Variants in VMA21 observed in about 807,000 individuals in gnomAD.
The protein encoded by VMA21 is vacuolar ATPase assembly factor VMA21, also known as vacuolar ATPase assembly integral membrane protein VMA21.
For synonymous variants in VMA21, 47 were observed against 34.1 expected (o/e 1.38, Z -1.32); for missense variants, 61 against 80.6 (o/e 0.76, Z 0.93).
intron 1 of VMA21, among the ~76,000 whole-genome samples, chrX:151,402,727 T>A (rs1353755693): frequency 8.8e-6 from 1 of 113,012 alleles, no homozygotes; most frequent in African/African-American, 3.2e-5. Flanking sequence ...TTCAGTGGTC[T>A]GGTGTCTGGT....
chrX:151,401,620 G>T (rs898739126), intron 1 of VMA21, among the ~76,000 whole-genome samples: 1 of 112,051 alleles, frequency 8.9e-6, no homozygotes, highest in Non-Finnish European at 1.9e-5. Flanking sequence ...CATTTCAACA[G>T]TATTAATTCT....
At chrX:151,397,163 C>A (rs2011198749), upstream of VMA21, 2 of 551,542 alleles carry the variant, frequency 3.6e-6, no homozygotes, top group Non-Finnish European at 5.1e-6. Context: ...CCGGCGCGAA[C>A]GGGCACTTCC....
chrX:151,400,434 C>T (rs750815753), intron 1 of VMA21, among the ~76,000 whole-genome samples: 16 of 111,208 alleles, frequency 1.4e-4, no homozygotes, highest in East Asian at 2.8e-4. Flanking sequence ...ATATACACTA[C>T]GGTTTCTTTA....
At position 151,405,007 on chromosome X, in the gene VMA21, T is replaced by C. The variant is rs201565563; in HGVS notation, c.255T>C (p.Tyr85=). ...AVHVVLALFV[Y]VAWNEGSRQW... ...ATGTGGTGCTGGCCCTCTTTGTGTA[T>C]GTGGCCTGGAATGAAGGCTCACGAC... The change falls in exon 3 of 3, where the codon TAT becomes TAC. Residue 85 remains tyrosine (Y), a synonymous_variant. Transcript: ENST00000330374. 1.2e-4 allele frequency: 148 copies of C among 1,209,500 alleles called. No homozygotes were observed. Among genetic ancestry groups the C allele is most frequent in the Non-Finnish European group, 1.6e-4 (143 of 895,242 alleles).
At position 151,405,247 on chromosome X, in the gene VMA21, A is replaced by G. The variant is rs1261370425; in HGVS notation, c.*189A>G. ...ATTCAGTTTTAACTGTATGAATCTG[A>G]TTTGCAAATGAGAATTTGGAAAAGT... On this transcript the variant is annotated 3_prime_UTR_variant, in exon 3 of 3. Coordinates refer to ENST00000330374, the MANE Select transcript of VMA21 (RefSeq NM_001017980.4). The G allele has an allele frequency of 4.7e-6, 2 of 426,264 alleles. No individual in the cohort carries two copies. The highest frequency in any genetic ancestry group is 6.0e-5 in the African/African-American group (2 of 33,515). 35.1% of individuals were successfully genotyped at this position (426,264 alleles called of 1,213,427 possible).
intron 1 of VMA21, among the ~76,000 whole-genome samples, chrX:151,400,485 G>A (rs1346426297): frequency 9.0e-6 from 1 of 111,175 alleles, no homozygotes; most frequent in Non-Finnish European, 1.9e-5. Flanking sequence ...TTCAAATCTT[G>A]GCTATTGTGA....
intron 2 of VMA21, among the ~76,000 whole-genome samples, chrX:151,404,442 G>A (rs144087746): frequency 0.015 from 1,643 of 109,588 alleles, 11 homozygotes; most frequent in Non-Finnish European, 0.024. Flanking sequence ...TTTTTGAGAC[G>A]GAGTCTCGCT....
Position 151,405,102 on chromosome X carries a change from T to C in VMA21, c.*44T>C, listed in dbSNP as rs376244455. On this transcript the variant is annotated 3_prime_UTR_variant, in exon 3 of 3. Transcript: ENST00000330374. ...ATAGCATTAAATTCATTTTTTAAAA[T>C]GATAAATGCTGGAGGGGGCCATCTG... is the stretch of plus-strand genomic sequence containing the variant. 5 of 1,186,207 alleles carry C rather than the reference T, an allele frequency of 4.2e-6. No individual in the cohort carries two copies. The Admixed American group carries it at 8.8e-5, about 21-fold the overall frequency.
intron 2 of VMA21, 136 bp downstream of exon 2, chrX:151,403,876 A>G (rs2011259136): frequency 2.2e-6 from 1 of 458,435 alleles, no homozygotes; most frequent in Non-Finnish European, 3.8e-6. Context: ...ATTGCTCATA[A>G]TGAGTCTTTA....
chrX:151,396,863 C>T, upstream of VMA21: 1 of 524,319 alleles, frequency 1.9e-6, no homozygotes, highest in Non-Finnish European at 3.5e-6. Context: ...CTTGCGGCCC[C>T]CAGCTCAGCG....
rs760108765 is a variant in VMA21 at position 151,408,422 on chromosome X, TATTTCTTATCTCTA to T, written c.*3365_*3378del. On this transcript the variant is annotated 3_prime_UTR_variant, in exon 3 of 3. Coordinates refer to ENST00000330374, the MANE Select transcript of VMA21 (RefSeq NM_001017980.4). Reference sequence around the variant, plus strand: ...TCCGATTTTAGATGTACCTAGTGTGTATTTCTTATCTCTAGACAAGTTCATGTTTATTGTTTAAT... The same window carrying T: ...TCCGATTTTAGATGTACCTAGTGTGTGACAAGTTCATGTTTATTGTTTAAT... 8.9e-6 allele frequency: 1 copy of T among 112,301 alleles called. No individual in the cohort carries two copies. Among genetic ancestry groups the T allele is most frequent in the South Asian group, 3.7e-4 (1 of 2,674 alleles). The allele number at this position is 112,301 out of a possible 1,213,427, so 9.3% of individuals were successfully genotyped here.
At chrX:151,397,466 G>C (rs756607797) in intron 1 of VMA21, 105 bp downstream of exon 1, 556 of 953,047 alleles carry the variant, frequency 5.8e-4, no homozygotes, top group Non-Finnish European at 7.4e-4. Context: ...TCTGGACCCC[G>C]GGGACCTGGC....
rs2011310471 is a variant in VMA21, at chrX:151,407,832, A to G, written c.*2774A>G. ...TTTAAACCTGCCATTAAAAATCCCC[A>G]TGTTTCATGGAAATCTAACAGAAAT... On this transcript the variant is annotated 3_prime_UTR_variant, in exon 3 of 3. Coordinates refer to ENST00000330374, the MANE Select transcript of VMA21 (RefSeq NM_001017980.4). 1 of 111,871 alleles carries G rather than the reference A, an allele frequency of 8.9e-6. No individual in the cohort carries two copies. Among genetic ancestry groups the G allele is most frequent in the African/African-American group, 3.2e-5 (1 of 30,822 alleles). The allele number at this position is 111,871 out of a possible 1,213,427, so 9.2% of individuals were successfully genotyped here.
intron 1 of VMA21, among the ~76,000 whole-genome samples, chrX:151,401,910 C>A (rs187717992): frequency 9.1e-6 from 1 of 110,408 alleles, no homozygotes. Context: ...CCATGCCCAG[C>A]GAATTATCAA....
intron 1 of VMA21, among the ~76,000 whole-genome samples, chrX:151,402,007 C>T (rs2011240655): frequency 9.0e-6 from 1 of 110,723 alleles, no homozygotes; most frequent in Non-Finnish European, 1.9e-5. Flanking sequence ...TCCCAAAGTG[C>T]TGGGATTACA....
intron 1 of VMA21, among the ~76,000 whole-genome samples, chrX:151,399,130 T>G (rs768271678): frequency 7.1e-4 from 80 of 112,155 alleles, no homozygotes; most frequent in African/African-American, 2.5e-3. Flanking sequence ...ACACTTTGAC[T>G]TAATGCTTAG....
chrX:151,396,694 C>T (rs2011191423), upstream of VMA21: 3 of 416,601 alleles, frequency 7.2e-6, no homozygotes, highest in Non-Finnish European at 1.3e-5. Context: ...GACTTCCTAC[C>T]ACTGCGGGCA....
At chrX:151,403,784 A>C (rs1363495328) in intron 2 of VMA21, 44 bp downstream of exon 2, 1 of 1,005,332 alleles carries the variant, frequency 9.9e-7, no homozygotes, top group Non-Finnish European at 1.4e-6. Flanking sequence ...CCCCAATTTA[A>C]GATTCTGTGC....
chrX:151,396,922 G>A (rs1350102943), upstream of VMA21: 12 of 521,996 alleles, frequency 2.3e-5, no homozygotes, highest in African/African-American at 9.3e-5. Flanking sequence ...AGGGGGCGGC[G>A]TAGCCGCCGC....
Sources: allele counts gnomAD v4.1 joint callset (sites outside exome capture counted in the v4.1 genomes callset), GRCh38; gene constraint gnomAD v4.1.1; transcripts MANE v1.5; gene names NCBI Gene and HGNC (gene_info 2026-07-23, HGNC 2026-07-21).